RANBP17: variants seen among roughly 807,000 people sequenced by gnomAD.
RANBP17 encodes the protein ran-binding protein 17.
In RANBP17, 158 loss-of-function variants were observed where a neutral mutation model predicts 141.2. The ratio of observed to expected loss-of-function variants is 1.12; its 90% CI spans 0.98 to 1.28. The LOEUF (loss-of-function observed/expected upper bound fraction) is 1.28, where lower values mean the gene tolerates loss of function less well. Ranked by LOEUF, RANBP17 falls within the 50% of genes most tolerant of loss-of-function variation. The probability of loss-of-function intolerance (pLI) is 0.00; values close to 1 mark genes in which losing one functional copy is unlikely to be tolerated. For missense variants in RANBP17, 1,438 were observed against 1,290.7 expected (o/e 1.11, Z -1.75); for synonymous variants, 430 against 450.0 (o/e 0.96, Z 0.56).
chr5:171,166,498 G>T, intron 14 of RANBP17, among the ~76,000 whole-genome samples: 1 of 151,066 alleles, frequency 6.6e-6, no homozygotes, highest in Non-Finnish European at 1.5e-5. Flanking sequence ...ACTGCAATAT[G>T]GTTTCTTCTT....
chr5:170,970,686 G>A (rs1561943891), intron 14 of RANBP17: 1 of 152,068 alleles, frequency 6.6e-6, no homozygotes, highest in Admixed American at 6.6e-5. Context: ...AATGGGTTAA[G>A]ACACTATTTT....
Position 170,896,046 on chromosome 5 carries a change from A to G in RANBP17, c.424-4A>G. The G allele has an allele frequency of 1.3e-6, 2 of 1,581,584 alleles. 1 individual carries two copies. The highest frequency in any genetic ancestry group is 2.4e-5 in the South Asian group (2 of 85,012). On this transcript the variant is annotated splice_region_variant and splice_polypyrimidine_tract_variant and intron_variant, in intron 4 of 27. Coordinates refer to ENST00000523189, the MANE Select transcript of RANBP17 (RefSeq NM_022897.5). ...TAGGCTAAACTTTGTTATTTTCTCC[A>G]AAGGGTACTGTGGAACACTGCATAA...
chr5:170,971,710 T>G (rs1053739593), intron 14 of RANBP17, among the ~76,000 whole-genome samples: 1 of 152,230 alleles, frequency 6.6e-6, no homozygotes. Context: ...CTGTGAATTT[T>G]ACTTTTGGAG....
chr5:171,290,097 A>G lies in RANBP17; in HGVS notation c.2944-3786A>G, dbSNP rs927645042. Among the ~76,000 whole-genome samples, 5 of 152,046 alleles carry G rather than the reference A, an allele frequency of 3.3e-5. No individual in the cohort carries two copies. The East Asian group carries it at 7.7e-4, about 24-fold the overall frequency. Reference sequence around the variant, plus strand: ...AGAAAGTATGACTCGGGCCAGACGCAGTGGCTCATGCCTGTAATCCCAGCA... The same window carrying G: ...AGAAAGTATGACTCGGGCCAGACGCGGTGGCTCATGCCTGTAATCCCAGCA... On this transcript the variant is annotated intron_variant, in intron 25 of 27. Transcript: ENST00000523189.
intron 19 of RANBP17, among the ~76,000 whole-genome samples, chr5:171,201,765 A>G (rs763922848): frequency 3.9e-5 from 6 of 152,250 alleles, no homozygotes; most frequent in Non-Finnish European, 8.8e-5. Context: ...TTGCTTTATC[A>G]TAAACAAAAC....
chr5:170,911,299 T>C, intron 7 of RANBP17, 165 bp downstream of exon 7: 1 of 622,182 alleles, frequency 1.6e-6, no homozygotes, highest in Non-Finnish European at 2.8e-6. Context: ...ATGTTTTCTG[T>C]AATTCATATT....
intron 12 of RANBP17, among the ~76,000 whole-genome samples, chr5:170,952,060 A>G (rs917562480): frequency 6.6e-6 from 1 of 152,074 alleles, no homozygotes; most frequent in Non-Finnish European, 1.5e-5. Flanking sequence ...CCTACTCCAT[A>G]TTCAAGGCCC....
At chr5:171,100,881 T>G (rs1787107175) in intron 14 of RANBP17, among the ~76,000 whole-genome samples, 1 of 152,214 alleles carries the variant, frequency 6.6e-6, no homozygotes, top group Admixed American at 6.5e-5. Context: ...CAGGAGCAGG[T>G]TGTTCAGTTT....
At chr5:171,213,300 C>A (rs1581037410) in intron 20 of RANBP17, among the ~76,000 whole-genome samples, 1 of 152,076 alleles carries the variant, frequency 6.6e-6, no homozygotes, top group Admixed American at 6.5e-5. Flanking sequence ...TTTCCTACAA[C>A]ATTAGGCATA....
chr5:171,103,451 C>G (rs1051458980), intron 14 of RANBP17, among the ~76,000 whole-genome samples: 1 of 152,132 alleles, frequency 6.6e-6, no homozygotes. Context: ...TCCCCTCCCC[C>G]CACAAAGCTC....
rs1190512869 is a variant in RANBP17 at position 171,147,339 on chromosome 5, T to G, written c.1711-22791T>G. Among the ~76,000 whole-genome samples, 9 of 104,848 alleles carry G rather than the reference T, an allele frequency of 8.6e-5. 1 individual carries two copies. The highest frequency in any genetic ancestry group is 1.3e-4 in the Non-Finnish European group (7 of 53,572). 68.8% of individuals were successfully genotyped at this position (104,848 alleles called of 152,430 possible). A position where few individuals can be genotyped will look rare whatever the true frequency, so the allele number is the denominator to read the frequency against. On this transcript the variant is annotated intron_variant, in intron 14 of 27. Transcript: ENST00000523189. ...ATGTAATCATCTTTTCTTGGTTGTTTTGTGTGTGTGTGTGTGTGTGTGTGT... is the reference window on the plus strand; with the variant it reads ...ATGTAATCATCTTTTCTTGGTTGTTGTGTGTGTGTGTGTGTGTGTGTGTGT...
At chr5:171,104,613 CA>C (rs1278098213) in intron 14 of RANBP17, among the ~76,000 whole-genome samples, 1 of 152,140 alleles carries the variant, frequency 6.6e-6, no homozygotes, top group African/African-American at 2.4e-5. Flanking sequence ...TGATAGTGGT[CA>C]AGAGCTTGAA....
chr5:170,966,696 C>T (rs1463340073), intron 13 of RANBP17, among the ~76,000 whole-genome samples: 1 of 152,000 alleles, frequency 6.6e-6, no homozygotes, highest in East Asian at 1.9e-4. Context: ...CTGGCCAGGG[C>T]AATTAGGCAG....
At chr5:170,924,305 TA>T in intron 11 of RANBP17, 51 bp from the exon 12 acceptor site, 1 of 1,202,450 alleles carries the variant, frequency 8.3e-7, no homozygotes, top group Non-Finnish European at 1.2e-6. Flanking sequence ...TTGTGGTGAA[TA>T]AAAGTGCTTC....
chr5:171,265,759 G>A lies in RANBP17; in HGVS notation c.2855G>A (p.Gly952Asp), dbSNP rs773139529. 8 of 1,614,106 alleles carry A rather than the reference G, an allele frequency of 5.0e-6. No individual in the cohort carries two copies. In the Admixed American group the frequency reaches 5.0e-5, roughly 10 times the overall value. ...CTCTTCAAGCACATAGCAAAAGAGG[G>A]CAAGAAGCCACTTCGATGCAGAGAG... The part of the protein sequence containing the change: ...TYLFKHIAKE[G>D]KKPLRCREAT... The change falls in exon 25 of 28, where the codon GGC becomes GAC. Residue 952 changes from glycine (G) to aspartate (D), a missense_variant. Physicochemically the swap from Gly to Asp is moderately conservative, Grantham distance 94 (BLOSUM62 -1). Transcript: ENST00000523189.
intron 11 of RANBP17, among the ~76,000 whole-genome samples, chr5:170,920,276 C>T (rs748519566): frequency 9.9e-5 from 15 of 152,072 alleles, no homozygotes; most frequent in East Asian, 1.9e-4. Flanking sequence ...TTTGCATTCC[C>T]GCTCACAATG....
intron 13 of RANBP17, among the ~76,000 whole-genome samples, chr5:170,956,190 T>G (rs1302571223): frequency 6.6e-6 from 1 of 152,034 alleles, no homozygotes; most frequent in Admixed American, 6.6e-5. Flanking sequence ...TTATTTCATC[T>G]TTTTTCAGGC....
At chr5:171,162,420 G>C (rs1348225675) in intron 14 of RANBP17, among the ~76,000 whole-genome samples, 1 of 152,088 alleles carries the variant, frequency 6.6e-6, no homozygotes, top group African/African-American at 2.4e-5. Context: ...GAGGCATTAG[G>C]TTCATGCTGG....
chr5:170,909,577 CCTTTT>C, intron 5 of RANBP17, 79 bp from the exon 6 acceptor site: 1 of 550,794 alleles, frequency 1.8e-6, no homozygotes. Flanking sequence ...AAGTTTATTT[CCTTTT>C]TTTTTTTTTT....
Sources: gnomAD v4.1 joint callset for allele counts (sites outside exome capture counted in the v4.1 genomes callset) on GRCh38, gnomAD v4.1.1 for gene constraint, MANE v1.5 for transcripts, NCBI Gene and HGNC (gene_info 2026-07-23, HGNC 2026-07-21) for gene names.